GNB1L: variants seen among roughly 807,000 people sequenced by gnomAD.
GNB1L encodes the protein G protein subunit beta 1 like.
A neutral mutation model predicts 29.1 loss-of-function variants in GNB1L; 20 were observed. The ratio of observed to expected loss-of-function variants is 0.69; its 90% CI spans 0.48 to 1.00. The LOEUF (loss-of-function observed/expected upper bound fraction) is 1.00. GNB1L is among the 50% of genes least tolerant of loss of function. The pLI is 0.00. For missense variants in GNB1L, 421 were observed against 464.9 expected, an observed-to-expected ratio of 0.91 and a Z score of 0.87; for synonymous variants, 193 against 206.5, an observed-to-expected ratio of 0.93 and a Z score of 0.56.
At chr22:19,793,036 C>T (rs1236341150) in intron 7 of GNB1L, 3 of 1,595,080 alleles carry the variant, frequency 1.9e-6, no homozygotes, top group Admixed American at 1.7e-5. Flanking sequence ...AAGTCTGTGG[C>T]TCGTATCGCC....
At chr22:19,791,294 A>C (rs1937250859) in intron 7 of GNB1L, among the ~76,000 whole-genome samples, 1 of 152,192 alleles carries the variant, frequency 6.6e-6, no homozygotes, top group South Asian at 2.1e-4. Context: ...ATCATCCATA[A>C]AGCAAGAACA....
At chr22:19,844,157 C>G (rs574710784) in intron 2 of GNB1L, among the ~76,000 whole-genome samples, 139 of 152,348 alleles carry the variant, frequency 9.1e-4, no homozygotes, top group Non-Finnish European at 1.7e-3. Context: ...TGTGCCGCCC[C>G]CTTCCAGATA....
At chr22:19,815,372 T>C (rs1262487147) in intron 4 of GNB1L, among the ~76,000 whole-genome samples, 20 of 152,128 alleles carry the variant, frequency 1.3e-4, no homozygotes, top group Admixed American at 1.2e-3. Context: ...TACCTGGACA[T>C]TTGGAGCACA....
rs140949322 is a variant in GNB1L at position 19,791,735 on chromosome 22, G to A, written c.733-2775C>T. ...ACAAGTTCAAGAGGTCAACAGTGCC[G>A]GGGGTCCAGTCAGCCTGAATGTGAA... On this transcript the variant is annotated intron_variant, in intron 7 of 7. Coordinates refer to ENST00000329517, the MANE Select transcript of GNB1L (RefSeq NM_053004.3). Among the ~76,000 whole-genome samples the A allele has an allele frequency of 2.2e-3, 339 of 152,290 alleles. 1 individual carries two copies. The highest frequency in any genetic ancestry group is 7.2e-3 in the African/African-American group (299 of 41,568).
intron 2 of GNB1L, among the ~76,000 whole-genome samples, chr22:19,824,829 G>A (rs1937606917): frequency 6.6e-6 from 1 of 152,222 alleles, no homozygotes; most frequent in South Asian, 2.1e-4. Context: ...GATGAAGCAG[G>A]GCTGCGGCAG....
intron 5 of GNB1L, among the ~76,000 whole-genome samples, chr22:19,807,963 A>G (rs1601328339): frequency 6.6e-6 from 1 of 152,226 alleles, no homozygotes; most frequent in East Asian, 1.9e-4. Flanking sequence ...TTCCAGCTAC[A>G]GAGACCTGCT....
Position 19,788,369 on chromosome 22 carries a change from G to C in GNB1L, c.*340C>G, listed in dbSNP as rs1937210994. On this transcript the variant is annotated 3_prime_UTR_variant, in exon 8 of 8. Coordinates refer to ENST00000329517, the MANE Select transcript of GNB1L (RefSeq NM_053004.3). ...GGGTCTGAGGGCACTGATGCTAAGT[G>C]GGGGACCAGGGCCTCCTCAGGGAGC... 1.7e-6 allele frequency: 1 copy of C among 580,972 alleles called. No homozygotes were observed. The highest frequency in any genetic ancestry group is 3.1e-6 in the Non-Finnish European group (1 of 326,634). 36.0% of individuals were successfully genotyped at this position (580,972 alleles called of 1,614,324 possible). A position where few individuals can be genotyped will look rare whatever the true frequency, so the allele number is the denominator to read the frequency against.
intron 6 of GNB1L, among the ~76,000 whole-genome samples, chr22:19,805,490 G>A (rs1388667206): frequency 4.6e-5 from 7 of 152,242 alleles, no homozygotes; most frequent in Non-Finnish European, 1.0e-4. Context: ...AACAGAAAAG[G>A]AGGGTGCCTG....
In GNB1L at chr22:19,816,799, G is replaced by T. The variant is rs1339678999; in HGVS notation, c.254+3799C>A. 6.6e-6 allele frequency among the ~76,000 whole-genome samples: 1 copy of T among 152,130 alleles called. No homozygotes were observed. Among genetic ancestry groups the T allele is most frequent in the African/African-American group, 2.4e-5 (1 of 41,414 alleles). ...GACAACCCTGGCCTCTGTTATCCTG[G>T]AGATGTTCACTGACATGCCCAACAA... is the stretch of plus-strand genomic sequence containing the variant. On this transcript the variant is annotated intron_variant, in intron 4 of 7. Coordinates refer to ENST00000329517, the MANE Select transcript of GNB1L (RefSeq NM_053004.3). This position sits in a 1 kb window ranked among gnomAD's most constrained non-coding sequence, Gnocchi z 4.4.
intron 2 of GNB1L, chr22:19,850,867 A>G: frequency 7.5e-7 from 1 of 1,329,030 alleles, no homozygotes; most frequent in Non-Finnish European, 9.6e-7. Context: ...CTGAGAGTTG[A>G]TCTACAAAAC....
intron 2 of GNB1L, chr22:19,850,838 A>C (rs1187629553): frequency 7.7e-7 from 1 of 1,305,034 alleles, no homozygotes; most frequent in Non-Finnish European, 9.7e-7. Flanking sequence ...GGAGGTGACA[A>C]AGATGATGCA....
At chr22:19,847,680 C>T in intron 2 of GNB1L, 1 of 984,632 alleles carries the variant, frequency 1.0e-6, no homozygotes, top group Non-Finnish European at 1.2e-6. Context: ...CATGCATGTG[C>T]CTAGAATTGT....
intron 6 of GNB1L, among the ~76,000 whole-genome samples, chr22:19,804,457 G>A (rs1334851523): frequency 6.6e-6 from 1 of 152,248 alleles, no homozygotes; most frequent in African/African-American, 2.4e-5. Flanking sequence ...CAGGCTTGAC[G>A]TAGGTCCTGA....
At position 19,838,865 on chromosome 22, in the gene GNB1L, A is replaced by G. The variant is rs146847552; in HGVS notation, c.-21+15578T>C. Among the ~76,000 whole-genome samples, 8 of 152,256 alleles carry G rather than the reference A, an allele frequency of 5.3e-5. No individual in the cohort carries two copies. The East Asian group carries it at 1.3e-3, about 26-fold the overall frequency. On this transcript the variant is annotated intron_variant, in intron 2 of 7. Coordinates refer to ENST00000329517, the MANE Select transcript of GNB1L (RefSeq NM_053004.3). Reference sequence around the variant, plus strand: ...CTTATATGCAAACAAAAACCTGTACATGAATGTTTATAGTAGTTATAACTA... The same window carrying G: ...CTTATATGCAAACAAAAACCTGTACGTGAATGTTTATAGTAGTTATAACTA...
At chr22:19,803,952 C>T (rs1937403937) in intron 6 of GNB1L, among the ~76,000 whole-genome samples, 1 of 152,254 alleles carries the variant, frequency 6.6e-6, no homozygotes, top group South Asian at 2.1e-4. Flanking sequence ...GTCTCAGAGC[C>T]TAGAGCCTGT....
intron 2 of GNB1L, among the ~76,000 whole-genome samples, chr22:19,838,902 C>T (rs1937810465): frequency 6.6e-6 from 1 of 152,210 alleles, no homozygotes; most frequent in Non-Finnish European, 1.5e-5. Flanking sequence ...CCACCCAAAA[C>T]AGAAATGTGA....
At chr22:19,824,066 G>A (rs2145884557) in intron 2 of GNB1L, among the ~76,000 whole-genome samples, 1 of 152,324 alleles carries the variant, frequency 6.6e-6, no homozygotes. Context: ...CTCCTCTATT[G>A]TTTCCCCAGA....
At chr22:19,849,806 G>C in intron 2 of GNB1L, 1 of 985,430 alleles carries the variant, frequency 1.0e-6, no homozygotes, top group South Asian at 4.7e-5. Flanking sequence ...TTGTAAACCT[G>C]AAAGGGACTT....
intron 2 of GNB1L, chr22:19,851,316 G>A: frequency 1.2e-6 from 2 of 1,614,080 alleles, no homozygotes; most frequent in South Asian, 1.1e-5. Flanking sequence ...GGATGAGCTG[G>A]GTCTGGTCTC....
Sources: allele counts gnomAD v4.1 joint callset (sites outside exome capture counted in the v4.1 genomes callset), GRCh38; gene constraint gnomAD v4.1.1; non-coding constraint Gnocchi (gnomAD v3.1); transcripts MANE v1.5; gene names NCBI Gene and HGNC (gene_info 2026-07-23, HGNC 2026-07-21).